Variants in KCTD1 observed in about 807,000 individuals in gnomAD.
KCTD1 encodes BTB/POZ domain-containing protein KCTD1.
A neutral mutation model predicts 66.0 loss-of-function variants in KCTD1; 24 were observed. The ratio of observed to expected loss-of-function variants is 0.36; its 90% CI spans 0.26 to 0.51. KCTD1 has a LOEUF of 0.51. Among genes scored for constraint, KCTD1 ranks in the 20% least tolerant of loss-of-function variants. The probability of loss-of-function intolerance (pLI) is 0.95; values close to 1 mark genes in which losing one functional copy is unlikely to be tolerated. For synonymous variants in KCTD1, 511 were observed against 517.2 expected, an observed-to-expected ratio of 0.99 and a Z score of 0.16; for missense variants, 943 against 1,205.2, an observed-to-expected ratio of 0.78 and a Z score of 3.22.
At chr18:26,504,609 G>A (rs1982936348) in intron 1 of KCTD1, among the ~76,000 whole-genome samples, 1 of 152,086 alleles carries the variant, frequency 6.6e-6, no homozygotes, top group African/African-American at 2.4e-5. Context: ...CTGGCCTCAA[G>A]CAATCCTCCT....
intron 1 of KCTD1, among the ~76,000 whole-genome samples, chr18:26,586,838 G>A (rs1222083884): frequency 6.6e-6 from 1 of 152,204 alleles, no homozygotes; most frequent in Non-Finnish European, 1.5e-5. Flanking sequence ...GCTGAGAGGG[G>A]TGAGGTAGCT....
Position 26,588,350 on chromosome 18 carries a change from G to T in KCTD1, c.-16+40797C>A, listed in dbSNP as rs576303076. On this transcript the variant is annotated intron_variant, in intron 1 of 4. Transcript: ENST00000317932. ...AAAGGGAGGGGAGGGGAGTGGAGGG[G>T]AGTGAAAACAGTTTTGACTCACAGA... Among the ~76,000 whole-genome samples the T allele has an allele frequency of 1.7e-3, 248 of 148,080 alleles. 4 individuals carry two copies. Among genetic ancestry groups the T allele is most frequent in the African/African-American group, 5.8e-3 (238 of 40,948 alleles).
intron 3 of KCTD1, among the ~76,000 whole-genome samples, chr18:26,472,091 A>C (rs1981097150): frequency 6.6e-6 from 1 of 152,048 alleles, no homozygotes; most frequent in South Asian, 2.1e-4. Flanking sequence ...GATAGGATAC[A>C]AAGGAAGAGG....
rs548770397 is a variant in KCTD1 at position 26,500,762 on chromosome 18, T to C, written c.1988+310A>G. On this transcript the variant is annotated intron_variant, in intron 2 of 4. Transcript: ENST00000580059. The stretch of plus-strand genomic sequence containing the variant: ...TTAAAGAAGGAAGGAACAAAGGTGT[T>C]GGGGAGAAATCACCATCTTTTTTTG... Among the ~76,000 whole-genome samples, 3 of 152,316 alleles carry C rather than the reference T, an allele frequency of 2.0e-5. No homozygotes were observed. In the East Asian group the frequency reaches 5.8e-4, roughly 29 times the overall value.
At chr18:26,631,129 T>C (rs1181419453), upstream of KCTD1, among the ~76,000 whole-genome samples, 1 of 152,212 alleles carries the variant, frequency 6.6e-6, no homozygotes, top group Non-Finnish European at 1.5e-5. Flanking sequence ...GATACTGGAA[T>C]TCTAAATAGA....
chr18:26,631,637 A>C (rs1477849431), upstream of KCTD1, among the ~76,000 whole-genome samples: 4 of 152,236 alleles, frequency 2.6e-5, no homozygotes, highest in African/African-American at 9.6e-5. Flanking sequence ...GAGGAATTAG[A>C]GGTCAACATA....
Position 26,476,485 on chromosome 18 carries a change from G to A in KCTD1, c.2133+30C>T. 1 of 1,581,116 alleles carries A rather than the reference G, an allele frequency of 6.3e-7. No homozygotes were observed. Among genetic ancestry groups the A allele is most frequent in the Non-Finnish European group, 8.6e-7 (1 of 1,167,578 alleles). On this transcript the variant is annotated intron_variant, in intron 3 of 4. Transcript: ENST00000580059. This position sits in a 1 kb window ranked among gnomAD's most constrained non-coding sequence, Gnocchi z 4.9. ...GCACATAAAAAAATCACATATTTATGCTATTGGTGATTTAACATGGATCCC... is the reference window on the plus strand; with the variant it reads ...GCACATAAAAAAATCACATATTTATACTATTGGTGATTTAACATGGATCCC...
chr18:26,606,878 T>C (rs1300320035), intron 1 of KCTD1, among the ~76,000 whole-genome samples: 2 of 152,250 alleles, frequency 1.3e-5, no homozygotes, highest in Non-Finnish European at 2.9e-5. Flanking sequence ...AAGGACACAG[T>C]GCTTTTGCAT....
chr18:26,590,120 G>A (rs758349696), intron 1 of KCTD1, among the ~76,000 whole-genome samples: 2 of 152,072 alleles, frequency 1.3e-5, no homozygotes, highest in Non-Finnish European at 2.9e-5. Flanking sequence ...GTCTTACTGT[G>A]TCGCCCAGGC....
At chr18:26,528,456 T>C (rs532591856) in intron 1 of KCTD1, among the ~76,000 whole-genome samples, 9 of 152,322 alleles carry the variant, frequency 5.9e-5, no homozygotes. Flanking sequence ...ATGCCTATAC[T>C]CCGCCATCTC....
chr18:26,649,309 A>T lies in KCTD1; in HGVS notation c.9+8051T>A, dbSNP rs1987984349. Among the ~76,000 whole-genome samples the T allele has an allele frequency of 2.6e-5, 4 of 152,190 alleles. No individual in the cohort carries two copies. The South Asian group carries it at 8.3e-4, about 32-fold the overall frequency. On this transcript the variant is annotated intron_variant, in intron 1 of 4. Coordinates refer to the KCTD1 transcript ENST00000580191. The stretch of plus-strand genomic sequence containing the variant: ...TTCTTCTGTTGATTTGATTAAATAA[A>T]CAGGAAAGCAGGCCTCTTATGGTCC...
At chr18:26,519,527 TG>T (rs1983814174) in intron 1 of KCTD1, among the ~76,000 whole-genome samples, 1 of 152,260 alleles carries the variant, frequency 6.6e-6, no homozygotes, top group African/African-American at 2.4e-5. Context: ...CTTAACGTTC[TG>T]GCCTGTTTAT....
intron 1 of KCTD1, among the ~76,000 whole-genome samples, chr18:26,572,329 A>G (rs527255852): frequency 1.3e-5 from 2 of 152,348 alleles, no homozygotes; most frequent in South Asian, 2.1e-4. Flanking sequence ...AAGTGCTGGG[A>G]TTCAGGTGTG....
intron 1 of KCTD1, among the ~76,000 whole-genome samples, chr18:26,533,769 G>A (rs1256484247): frequency 1.3e-5 from 2 of 148,746 alleles, no homozygotes; most frequent in East Asian, 3.9e-4. Context: ...CAAAGTGCTG[G>A]AATTACAGGT....
At chr18:26,551,893 A>G (rs1985579438), upstream of KCTD1, among the ~76,000 whole-genome samples, 1 of 152,224 alleles carries the variant, frequency 6.6e-6, no homozygotes, top group Non-Finnish European at 1.5e-5. Flanking sequence ...CCATATCATG[A>G]AGTCCGTTCA....
intron 1 of KCTD1, among the ~76,000 whole-genome samples, chr18:26,608,260 T>C (rs1987060600): frequency 6.6e-6 from 1 of 152,242 alleles, no homozygotes; most frequent in Non-Finnish European, 1.5e-5. Context: ...CTGTTTGATC[T>C]CTTGTCTTAC....
intron 1 of KCTD1, among the ~76,000 whole-genome samples, chr18:26,618,634 A>G (rs1052697105): frequency 1.3e-5 from 2 of 152,248 alleles, no homozygotes; most frequent in Non-Finnish European, 2.9e-5. Context: ...ACAGTTCTGT[A>G]CACGACTCGA....
At chr18:26,570,641 G>A (rs75565864) in intron 1 of KCTD1, among the ~76,000 whole-genome samples, 75 of 152,184 alleles carry the variant, frequency 4.9e-4, no homozygotes, top group Non-Finnish European at 9.4e-4. Context: ...GAACTCTCAG[G>A]CTCAAGATAT....
chr18:26,651,783 CA>C (rs397858862), intron 1 of KCTD1, among the ~76,000 whole-genome samples: 128 of 75,260 alleles, frequency 1.7e-3, no homozygotes, highest in African/African-American at 3.4e-3. Context: ...AACTCGGTCT[CA>C]AAAAAAAAAA....
Sources: allele counts gnomAD v4.1 joint callset (sites outside exome capture counted in the v4.1 genomes callset), GRCh38; gene constraint gnomAD v4.1.1; non-coding constraint Gnocchi (gnomAD v3.1); transcripts MANE v1.5; gene names NCBI Gene and HGNC (gene_info 2026-07-23, HGNC 2026-07-21).